CADM2: variants seen among roughly 807,000 people sequenced by gnomAD.
CADM2 encodes the protein immunoglobulin superfamily member 4D.
In CADM2, 12 loss-of-function variants were observed where a neutral mutation model predicts 49.8. The observed-to-expected ratio is 0.24, with a 90% CI of 0.15 to 0.39. CADM2 has a LOEUF of 0.39. Among genes scored for constraint, CADM2 ranks in the 10% least tolerant of loss-of-function variants. The pLI, the probability that CADM2 is intolerant of heterozygous loss-of-function variation, is 1.00. For synonymous variants in CADM2, 214 were observed against 175.4 expected (o/e 1.22, Z -1.74); for missense variants, 378 against 492.3 (o/e 0.77, Z 2.20).
At chr3:85,702,471 C>A (rs1441791789) in intron 1 of CADM2, among the ~76,000 whole-genome samples, 1 of 152,052 alleles carries the variant, frequency 6.6e-6, no homozygotes, top group African/African-American at 2.4e-5. Context: ...ATTTTCATTA[C>A]CTTGCTATTA....
chr3:85,036,501 T>A (rs899183592), intron 1 of CADM2, among the ~76,000 whole-genome samples: 10 of 152,116 alleles, frequency 6.6e-5, no homozygotes, highest in African/African-American at 2.4e-4. Context: ...GAATTTGTAA[T>A]GAACTTTTCT....
At chr3:85,952,763 T>C (rs1282212957) in intron 7 of CADM2, among the ~76,000 whole-genome samples, 1 of 150,932 alleles carries the variant, frequency 6.6e-6, no homozygotes, top group Non-Finnish European at 1.5e-5. Flanking sequence ...GTTTATTATG[T>C]GCTTTCCTTT....
At chr3:85,910,735 G>A (rs183991224) in intron 5 of CADM2, among the ~76,000 whole-genome samples, 83 of 151,990 alleles carry the variant, frequency 5.5e-4, no homozygotes, top group African/African-American at 1.9e-3. Context: ...AAAACATTTT[G>A]TGGTAAAAAT....
chr3:85,084,192 G>A (rs927871246), intron 1 of CADM2, among the ~76,000 whole-genome samples: 1 of 152,050 alleles, frequency 6.6e-6, no homozygotes, highest in Non-Finnish European at 1.5e-5. Flanking sequence ...CCATGCTTTT[G>A]GTTTTAAACC....
intron 1 of CADM2, among the ~76,000 whole-genome samples, chr3:85,430,637 A>G (rs1020240670): frequency 6.6e-6 from 1 of 151,400 alleles, no homozygotes. Context: ...AAAGGGAGAG[A>G]AAGAGAGGAG....
At chr3:86,023,368 GTTTGTTTTGT>G (rs10588840) in intron 8 of CADM2, among the ~76,000 whole-genome samples, 4 of 124,102 alleles carry the variant, frequency 3.2e-5, no homozygotes, top group South Asian at 2.8e-4. Flanking sequence ...TTGTTTGTTT[GTTTGTTTTGT>G]TTTGTTTTGT....
intron 1 of CADM2, among the ~76,000 whole-genome samples, chr3:85,211,205 T>C (rs115044250): frequency 0.012 from 1,773 of 152,228 alleles, 17 homozygotes; most frequent in Non-Finnish European, 0.017. Context: ...AGCCTGGCGA[T>C]AGGTTTGTCT....
chr3:85,488,523 T>G (rs2039526111), intron 1 of CADM2, among the ~76,000 whole-genome samples: 1 of 151,894 alleles, frequency 6.6e-6, no homozygotes, highest in Non-Finnish European at 1.5e-5. Context: ...TTATTTATTT[T>G]TGTTTTGTTT....
At chr3:86,011,236 A>G (rs1731467536) in intron 8 of CADM2, among the ~76,000 whole-genome samples, 1 of 152,100 alleles carries the variant, frequency 6.6e-6, no homozygotes, top group African/African-American at 2.4e-5. Flanking sequence ...AAAATCCTAA[A>G]TGAAATACTA....
intron 3 of CADM2, among the ~76,000 whole-genome samples, chr3:85,835,901 A>G (rs1377226538): frequency 6.6e-6 from 1 of 150,814 alleles, no homozygotes; most frequent in Non-Finnish European, 1.5e-5. Flanking sequence ...TACTCCCTTT[A>G]TTTCTACTGA....
chr3:85,357,042 T>C (rs547945495), intron 1 of CADM2, among the ~76,000 whole-genome samples: 2 of 152,280 alleles, frequency 1.3e-5, no homozygotes, highest in Admixed American at 1.3e-4. Flanking sequence ...TTTAATTTTA[T>C]ATTTACATTG....
chr3:86,000,494 T>G (rs1577910500), intron 8 of CADM2, among the ~76,000 whole-genome samples: 1 of 152,158 alleles, frequency 6.6e-6, no homozygotes, highest in South Asian at 2.1e-4. Context: ...ATAAGTAATC[T>G]TTAAAATATA....
At chr3:85,938,282 T>C (rs1041865060) in intron 7 of CADM2, among the ~76,000 whole-genome samples, 9 of 152,160 alleles carry the variant, frequency 5.9e-5, no homozygotes, top group African/African-American at 2.2e-4. Flanking sequence ...ACTGAAATAA[T>C]TGGATTTTCC....
At chr3:85,931,144 G>A (rs147017163) in intron 6 of CADM2, among the ~76,000 whole-genome samples, 5,049 of 152,046 alleles carry the variant, frequency 0.033, 283 homozygotes, top group African/African-American at 0.12. Flanking sequence ...AGGCCAAGGT[G>A]GGAGGATCAC....
intron 1 of CADM2, among the ~76,000 whole-genome samples, chr3:85,535,322 G>C (rs1320867459): frequency 6.6e-6 from 1 of 152,098 alleles, no homozygotes; most frequent in African/African-American, 2.4e-5. Context: ...ATGCACATAT[G>C]AATACAGAAT....
intron 1 of CADM2, among the ~76,000 whole-genome samples, chr3:85,150,147 G>T (rs906499200): frequency 4.6e-5 from 7 of 152,162 alleles, no homozygotes; most frequent in African/African-American, 1.4e-4. Context: ...ATTTGAATTT[G>T]CACAGGGAAT....
chr3:85,553,936 G>GA (rs1416590778), intron 1 of CADM2, among the ~76,000 whole-genome samples: 2 of 152,168 alleles, frequency 1.3e-5, no homozygotes, highest in Non-Finnish European at 2.9e-5. Context: ...TGTTCTGAGT[G>GA]AAAAGAAAAG....
intron 3 of CADM2, among the ~76,000 whole-genome samples, chr3:85,877,835 G>A (rs1209966285): frequency 6.6e-6 from 1 of 151,890 alleles, no homozygotes; most frequent in Non-Finnish European, 1.5e-5. Context: ...CAATTCAATA[G>A]CTACTCACTG....
At chr3:85,506,769 A>G (rs2040372669) in intron 1 of CADM2, among the ~76,000 whole-genome samples, 1 of 152,134 alleles carries the variant, frequency 6.6e-6, no homozygotes. Flanking sequence ...TTTAACTGAT[A>G]TATACTTCAT....
Sources: gnomAD v4.1 joint callset for allele counts (sites outside exome capture counted in the v4.1 genomes callset) on GRCh38, gnomAD v4.1.1 for gene constraint, MANE v1.5 for transcripts, NCBI Gene and HGNC (gene_info 2026-07-23, HGNC 2026-07-21) for gene names.